RBMS2: variants seen among roughly 807,000 people sequenced by gnomAD.
RBMS2 encodes RNA binding motif single stranded interacting protein 2.
Under a neutral mutation model 58.4 loss-of-function variants are expected in RBMS2, and 38 were observed. That is an observed-to-expected ratio of 0.65 (90% confidence interval 0.50 to 0.85). RBMS2 has a LOEUF of 0.85. Ranked by LOEUF, RBMS2 falls within the 40% of genes least tolerant of loss-of-function variation. The pLI, the probability that RBMS2 is intolerant of heterozygous loss-of-function variation, is 0.00. For missense variants in RBMS2, 367 were observed against 503.7 expected, an observed-to-expected ratio of 0.73 and a Z score of 2.60; for synonymous variants, 151 against 180.7, an observed-to-expected ratio of 0.84 and a Z score of 1.32.
chr12:56,588,372 G>A lies in RBMS2; in HGVS notation c.1141G>A (p.Glu381Lys), dbSNP rs201299402. The A allele has an allele frequency of 2.4e-5, 38 of 1,610,088 alleles. No homozygotes were observed. The highest frequency in any genetic ancestry group is 5.5e-5 in the South Asian group (5 of 90,982). The change falls in exon 12 of 14, where the codon GAG becomes AAG. Residue 381 changes from glutamate (E) to lysine (K), a missense_variant and splice_region_variant. Transcript: ENST00000262031. ...TGTGCCTTCTTCCAGTGTTTCAGTC[G>A]AGGTAAGGGTGTTATCATTTCTTTG... is the stretch of plus-strand genomic sequence containing the variant. Reference protein sequence around the residue: ...TPVPSSSVSVEESSGQQNQVA... With the variant: ...TPVPSSSVSVKESSGQQNQVA...
intron 1 of RBMS2, among the ~76,000 whole-genome samples, chr12:56,542,353 C>T (rs552083897): frequency 9.2e-5 from 14 of 152,136 alleles, no homozygotes; most frequent in Non-Finnish European, 1.9e-4. Flanking sequence ...GCATGAGCCA[C>T]CGCACCTGGC....
At position 56,569,906 on chromosome 12, in the gene RBMS2, C is replaced by T; in HGVS notation, c.300C>T (p.Gly100=). 6.2e-7 allele frequency: 1 copy of T among 1,612,880 alleles called. No homozygotes were observed. Among genetic ancestry groups the T allele is most frequent in the Non-Finnish European group, 8.5e-7 (1 of 1,178,872 alleles). ...CTGTTTCCTCTGTTCCAGGCTATGGCTTTGTAGATTTTGACAGCCCTTCAG... is the reference window on the plus strand; with the variant it reads ...CTGTTTCCTCTGTTCCAGGCTATGGTTTTGTAGATTTTGACAGCCCTTCAG... The part of the protein sequence containing the change: ...DKTTNKCKGY[G]FVDFDSPSAA... The change falls in exon 4 of 14, where the codon GGC becomes GGT. Residue 100 remains glycine (G), a synonymous_variant. Coordinates refer to ENST00000262031, the MANE Select transcript of RBMS2 (RefSeq NM_002898.4).
At chr12:56,537,279 G>C (rs932693347) in intron 1 of RBMS2, among the ~76,000 whole-genome samples, 2 of 152,056 alleles carry the variant, frequency 1.3e-5, no homozygotes, top group Admixed American at 1.3e-4. Context: ...TTACATTGTT[G>C]TGCAACCCAT....
chr12:56,540,175 T>C (rs186610430), intron 1 of RBMS2, among the ~76,000 whole-genome samples: 33 of 152,226 alleles, frequency 2.2e-4, no homozygotes, highest in Middle Eastern at 3.4e-3. Context: ...AAAATTTTAT[T>C]AGGGCCAGAG....
In RBMS2 at chr12:56,588,282, T is replaced by C; in HGVS notation, c.1063-12T>C. On this transcript the variant is annotated splice_polypyrimidine_tract_variant and intron_variant, in intron 11 of 13. Coordinates refer to ENST00000262031, the MANE Select transcript of RBMS2 (RefSeq NM_002898.4). ...ATCACTGCTGTAAGCCTGTTGATGT[T>C]TCTCTTTCTAGTATATGCCGACGGC... is the stretch of plus-strand genomic sequence containing the variant. 1 of 1,610,806 alleles carries C rather than the reference T, an allele frequency of 6.2e-7. No homozygotes were observed. Among genetic ancestry groups the C allele is most frequent in the Non-Finnish European group, 8.5e-7 (1 of 1,176,944 alleles).
intron 5 of RBMS2, among the ~76,000 whole-genome samples, chr12:56,580,536 C>T (rs1398530143): frequency 6.6e-6 from 1 of 151,274 alleles, no homozygotes; most frequent in Admixed American, 6.6e-5. Context: ...CCCGGCGGAT[C>T]AGAGGGTTTT....
intron 1 of RBMS2, chr12:56,539,841 A>G: frequency 7.3e-6 from 2 of 272,830 alleles, no homozygotes; most frequent in Non-Finnish European, 1.5e-5. Flanking sequence ...TTTAACTCAC[A>G]TAAACCTTCT....
At chr12:56,578,913 G>A (rs907560934) in intron 5 of RBMS2, among the ~76,000 whole-genome samples, 4 of 152,032 alleles carry the variant, frequency 2.6e-5, no homozygotes, top group African/African-American at 9.7e-5. Flanking sequence ...GCAGTGAGCC[G>A]AGATTGCACC....
intron 1 of RBMS2, chr12:56,527,765 G>A (rs1459326893): frequency 4.8e-5 from 1 of 20,764 alleles, no homozygotes; most frequent in East Asian, 8.7e-4. Context: ...CCCCCACCAT[G>A]CCCCCTTGAT....
rs746650631 is a variant in RBMS2, at chr12:56,539,729, G to A, written c.66+17640G>A. The A allele has an allele frequency of 5.8e-5, 26 of 448,900 alleles. 1 individual carries two copies. Among genetic ancestry groups the A allele is most frequent in the South Asian group, 3.5e-4 (22 of 63,126 alleles). 27.8% of individuals were successfully genotyped at this position (448,900 alleles called of 1,614,324 possible). A position where few individuals can be genotyped will look rare whatever the true frequency, so the allele number is the denominator to read the frequency against. On this transcript the variant is annotated intron_variant, in intron 1 of 13. Transcript: ENST00000262031. ...TTGTTGCCCAGACTGGAGTGCAATGGCGTGATCTCGGCTCACTGCAACCTC... is the reference window on the plus strand; with the variant it reads ...TTGTTGCCCAGACTGGAGTGCAATGACGTGATCTCGGCTCACTGCAACCTC...
At chr12:56,559,186 A>AT (rs139304296) in intron 1 of RBMS2, among the ~76,000 whole-genome samples, 22,764 of 149,638 alleles carry the variant, frequency 0.15, 2,067 homozygotes, top group South Asian at 0.29. Flanking sequence ...AAAGAAGGAC[A>AT]TTTTTTTTTT....
At chr12:56,578,771 C>G (rs1345030836) in intron 5 of RBMS2, among the ~76,000 whole-genome samples, 1 of 151,818 alleles carries the variant, frequency 6.6e-6, no homozygotes, top group Non-Finnish European at 1.5e-5. Context: ...TTGAGACCAG[C>G]CTGGACAACA....
intron 5 of RBMS2, among the ~76,000 whole-genome samples, chr12:56,575,919 GT>G (rs1344608176): frequency 2.0e-5 from 3 of 151,730 alleles, no homozygotes; most frequent in Non-Finnish European, 4.4e-5. Context: ...AAATAGAGTG[GT>G]CCCCCCTTAT....
chr12:56,545,409 G>T (rs1040318391), intron 1 of RBMS2, among the ~76,000 whole-genome samples: 8 of 152,162 alleles, frequency 5.3e-5, no homozygotes, highest in African/African-American at 1.9e-4. Context: ...GCTCTATTGA[G>T]ATATAATTCA....
At chr12:56,578,263 G>C (rs1883433940) in intron 5 of RBMS2, among the ~76,000 whole-genome samples, 1 of 151,966 alleles carries the variant, frequency 6.6e-6, no homozygotes, top group Non-Finnish European at 1.5e-5. Flanking sequence ...CAAGTAGCTG[G>C]GATTACAGGT....
At chr12:56,566,717 C>T (rs551337531) in intron 2 of RBMS2, among the ~76,000 whole-genome samples, 3 of 152,170 alleles carry the variant, frequency 2.0e-5, no homozygotes, top group Non-Finnish European at 4.4e-5. Context: ...ACTCCAGAGG[C>T]TGAGGCAGGA....
rs563969232 is a variant in RBMS2 at position 56,575,909 on chromosome 12, A to T, written c.542+4054A>T. 1.1e-4 allele frequency among the ~76,000 whole-genome samples: 17 copies of T among 152,128 alleles called. No homozygotes were observed. The East Asian group carries it at 3.1e-3, about 28-fold the overall frequency. On this transcript the variant is annotated intron_variant, in intron 5 of 13. Coordinates refer to ENST00000262031, the MANE Select transcript of RBMS2 (RefSeq NM_002898.4). ...AACTCCATCTCAAAGAAAAAAAAAA[A>T]AATAGAGTGGTCCCCCCTTATTTAT... is the stretch of plus-strand genomic sequence containing the variant.
rs1164155079 is a variant in RBMS2 at position 56,533,408 on chromosome 12, CTTTTTTTT to C, written c.66+11337_66+11344del. 1.4e-4 allele frequency among the ~76,000 whole-genome samples: 9 copies of C among 65,306 alleles called. No homozygotes were observed. The East Asian group carries it at 3.6e-3, about 26-fold the overall frequency. 42.8% of individuals were successfully genotyped at this position (65,306 alleles called of 152,430 possible). On this transcript the variant is annotated intron_variant, in intron 1 of 13. Coordinates refer to ENST00000262031, the MANE Select transcript of RBMS2 (RefSeq NM_002898.4). ...TGAGCCGCGGCACCCAGCCCTATTA[CTTTTTTTT>C]TTTTTTTTTTTTTTTTTGAGACGGG...
chr12:56,558,142 G>T (rs1411739754), intron 1 of RBMS2, among the ~76,000 whole-genome samples: 1 of 135,226 alleles, frequency 7.4e-6, no homozygotes, highest in Non-Finnish European at 1.6e-5. Context: ...CCTCCTCCTG[G>T]GTTCACACCA....
Sources: gnomAD v4.1 joint callset for allele counts (sites outside exome capture counted in the v4.1 genomes callset) on GRCh38, gnomAD v4.1.1 for gene constraint, MANE v1.5 for transcripts, NCBI Gene and HGNC (gene_info 2026-07-23, HGNC 2026-07-21) for gene names.